RBFOX1: variants seen among roughly 807,000 people sequenced by gnomAD.
RBFOX1 encodes the protein RNA binding protein fox-1 homolog 1.
A neutral mutation model predicts 57.7 loss-of-function variants in RBFOX1; 8 were observed. The ratio of observed to expected loss-of-function variants is 0.14; its 90% confidence interval spans 0.08 to 0.25. The LOEUF is 0.25. Among genes scored for constraint, RBFOX1 ranks in the 10% least tolerant of loss-of-function variants. The probability of loss-of-function intolerance (pLI) is 1.00; values close to 1 mark genes in which losing one functional copy is unlikely to be tolerated. For synonymous variants in RBFOX1, 326 were observed against 222.4 expected (o/e 1.47, Z -4.15); for missense variants, 611 against 548.5 (o/e 1.11, Z -1.14).
chr16:5,436,349 A>G (rs2067917670), intron 1 of RBFOX1, among the ~76,000 whole-genome samples: 1 of 152,220 alleles, frequency 6.6e-6, no homozygotes, highest in African/African-American at 2.4e-5. Flanking sequence ...CAGGGGCTAC[A>G]GAAGAGACAG....
chr16:6,181,956 G>C (rs1431182322), intron 1 of RBFOX1, among the ~76,000 whole-genome samples: 1 of 152,172 alleles, frequency 6.6e-6, no homozygotes, highest in African/African-American at 2.4e-5. Context: ...TGGCAATTAC[G>C]GAGGATGTTT....
At chr16:6,938,008 A>G (rs546938540) in intron 3 of RBFOX1, among the ~76,000 whole-genome samples, 392 of 150,518 alleles carry the variant, frequency 2.6e-3, no homozygotes, top group Non-Finnish European at 4.2e-3. Flanking sequence ...TTACAATTTT[A>G]TTTTTGGTTT....
intron 4 of RBFOX1, among the ~76,000 whole-genome samples, chr16:7,465,351 G>T (rs1010079796): frequency 6.6e-6 from 1 of 152,152 alleles, no homozygotes; most frequent in South Asian, 2.1e-4. Flanking sequence ...ATCTGTAGGC[G>T]CCATAAGGGC....
chr16:5,601,941 A>G (rs910020848), downstream of RBFOX1, among the ~76,000 whole-genome samples: 1 of 152,138 alleles, frequency 6.6e-6, no homozygotes, highest in Non-Finnish European at 1.5e-5. Flanking sequence ...ATGGAGGCTG[A>G]TGTGTTCTCT....
chr16:7,621,829 C>A (rs1456636114), intron 10 of RBFOX1, among the ~76,000 whole-genome samples: 1 of 152,124 alleles, frequency 6.6e-6, no homozygotes, highest in Admixed American at 6.6e-5. Context: ...CTGTAAAGGG[C>A]CAGACAGTAA....
chr16:7,321,931 C>T (rs762740177), intron 4 of RBFOX1, among the ~76,000 whole-genome samples: 1 of 152,194 alleles, frequency 6.6e-6, no homozygotes, highest in Admixed American at 6.5e-5. Context: ...TTGGCTAATC[C>T]TCTCCAATGA....
chr16:6,524,472 G>A (rs944385375), intron 2 of RBFOX1, among the ~76,000 whole-genome samples: 2 of 152,148 alleles, frequency 1.3e-5, no homozygotes, highest in African/African-American at 4.8e-5. Flanking sequence ...CTTTCGAAGC[G>A]TGTTTGTCTT....
At chr16:5,458,913 T>C (rs74004318) in intron 1 of RBFOX1, among the ~76,000 whole-genome samples, 8,597 of 152,244 alleles carry the variant, frequency 0.056, 796 homozygotes, top group African/African-American at 0.19. Flanking sequence ...TCTCATAGTC[T>C]TGTGGCAGAA....
intron 1 of RBFOX1, among the ~76,000 whole-genome samples, chr16:5,330,840 G>A (rs949450841): frequency 2.0e-5 from 3 of 152,088 alleles, no homozygotes; most frequent in Non-Finnish European, 4.4e-5. Flanking sequence ...CTGCAAGGTG[G>A]AGGCTGCTAA....
chr16:7,699,251 C>T (rs995542821), intron 14 of RBFOX1, among the ~76,000 whole-genome samples: 3 of 140,814 alleles, frequency 2.1e-5, no homozygotes, highest in South Asian at 2.5e-4. Flanking sequence ...AGTGCAATAG[C>T]CTGATCTTAG....
chr16:6,253,270 A>G (rs1035736280), intron 1 of RBFOX1, among the ~76,000 whole-genome samples: 1 of 152,146 alleles, frequency 6.6e-6, no homozygotes, highest in Non-Finnish European at 1.5e-5. Flanking sequence ...CACCTAACAG[A>G]TCTTTCCTTC....
intron 3 of RBFOX1, among the ~76,000 whole-genome samples, chr16:5,797,412 C>G (rs1440997687): frequency 1.3e-5 from 2 of 152,202 alleles, no homozygotes; most frequent in Admixed American, 6.6e-5. Context: ...TCACTCCCTA[C>G]TTGATTTTCT....
intron 14 of RBFOX1, among the ~76,000 whole-genome samples, chr16:7,705,230 G>C (rs144063539): frequency 1.3e-5 from 2 of 152,106 alleles, no homozygotes; most frequent in East Asian, 1.9e-4. Flanking sequence ...GTGTGGGCCG[G>C]GCATGGTGGC....
intron 3 of RBFOX1, among the ~76,000 whole-genome samples, chr16:6,758,823 A>G (rs996992272): frequency 2.0e-5 from 3 of 152,158 alleles, no homozygotes; most frequent in Non-Finnish European, 2.9e-5. Flanking sequence ...TTAAAAAGAA[A>G]CTTTAACTCT....
chr16:7,209,067 G>T (rs144837326), intron 4 of RBFOX1, among the ~76,000 whole-genome samples: 14 of 151,814 alleles, frequency 9.2e-5, no homozygotes, highest in African/African-American at 3.1e-4. Flanking sequence ...GGCCGAGGTG[G>T]TCAGATCACC....
chr16:6,975,394 T>C (rs1389064626), intron 3 of RBFOX1, among the ~76,000 whole-genome samples: 1 of 152,094 alleles, frequency 6.6e-6, no homozygotes, highest in Non-Finnish European at 1.5e-5. Context: ...GCCTCCCAAG[T>C]AGCTGGCGTT....
intron 4 of RBFOX1, among the ~76,000 whole-genome samples, chr16:7,287,628 C>G (rs960587155): frequency 2.0e-5 from 3 of 152,134 alleles, no homozygotes; most frequent in Admixed American, 6.5e-5. Flanking sequence ...GTACTTCACG[C>G]TCATTATTAA....
chr16:7,007,614 G>T (rs1050195091), intron 3 of RBFOX1, among the ~76,000 whole-genome samples: 1 of 152,134 alleles, frequency 6.6e-6, no homozygotes, highest in African/African-American at 2.4e-5. Flanking sequence ...GACTGTTTTA[G>T]TCATTCTTTC....
In RBFOX1 at chr16:6,780,245, A is replaced by T. The variant is rs2080579706; in HGVS notation, c.-16+125595A>T. On this transcript the variant is annotated intron_variant, in intron 3 of 15. Coordinates refer to ENST00000550418, the MANE Select transcript of RBFOX1 (RefSeq NM_018723.4). Reference sequence around the variant, plus strand: ...TATATATATATTTATATATATTTACATATATATTTATATATATATTTATAC... The same window carrying T: ...TATATATATATTTATATATATTTACTTATATATTTATATATATATTTATAC... 2.5e-5 allele frequency among the ~76,000 whole-genome samples: 2 copies of T among 81,078 alleles called. 1 individual carries two copies. Among genetic ancestry groups the T allele is most frequent in the African/African-American group, 1.1e-4 (2 of 17,690 alleles). The allele number at this position is 81,078 out of a possible 152,430, so 53.2% of individuals were successfully genotyped here.
Sources: gnomAD v4.1 joint callset for allele counts (sites outside exome capture counted in the v4.1 genomes callset) on GRCh38, gnomAD v4.1.1 for gene constraint, MANE v1.5 for transcripts, NCBI Gene and HGNC (gene_info 2026-07-23, HGNC 2026-07-21) for gene names.